The following RBFOX1 variants were observed in gnomAD, a reference collection of about 807,000 sequenced individuals.
RBFOX1 encodes the protein RNA binding protein fox-1 homolog 1.
Under a neutral mutation model 57.7 loss-of-function variants are expected in RBFOX1, and 8 were observed. The observed-to-expected ratio is 0.14, with a 90% CI of 0.08 to 0.25. The LOEUF (loss-of-function observed/expected upper bound fraction) is 0.25, where lower values mean the gene tolerates loss of function less well. RBFOX1 is among the 10% of genes least tolerant of loss of function. The pLI is 1.00. For synonymous variants in RBFOX1, 326 were observed against 222.4 expected (o/e 1.47, Z -4.15); for missense variants, 611 against 548.5 (o/e 1.11, Z -1.14).
chr16:7,338,799 T>C (rs770139794), intron 4 of RBFOX1, among the ~76,000 whole-genome samples: 52 of 152,208 alleles, frequency 3.4e-4, no homozygotes, highest in Non-Finnish European at 5.9e-4. Context: ...ACAAGTAATT[T>C]GGGTAAGTTT....
chr16:6,420,594 G>A (rs2093744873), intron 2 of RBFOX1, among the ~76,000 whole-genome samples: 1 of 152,122 alleles, frequency 6.6e-6, no homozygotes, highest in African/African-American at 2.4e-5. Flanking sequence ...TGAAGGATGG[G>A]CCCTATTACA....
intron 2 of RBFOX1, among the ~76,000 whole-genome samples, chr16:6,572,318 T>C (rs911459641): frequency 1.3e-5 from 2 of 152,202 alleles, no homozygotes; most frequent in African/African-American, 4.8e-5. Context: ...GATCTAGTTA[T>C]GAATTTTGCA....
chr16:7,562,989 C>T (rs957735151), intron 5 of RBFOX1, among the ~76,000 whole-genome samples: 2 of 152,132 alleles, frequency 1.3e-5, no homozygotes, highest in African/African-American at 2.4e-5. Flanking sequence ...GGACTTGACC[C>T]AGGGGATTGC....
At chr16:6,503,179 AT>A (rs1039787916) in intron 2 of RBFOX1, among the ~76,000 whole-genome samples, 1 of 148,460 alleles carries the variant, frequency 6.7e-6, no homozygotes, top group East Asian at 2.0e-4. Flanking sequence ...ATTATATGTG[AT>A]TTTTTTATTA....
At chr16:5,907,402 C>T (rs907241086) in intron 4 of RBFOX1, among the ~76,000 whole-genome samples, 2 of 152,014 alleles carry the variant, frequency 1.3e-5, no homozygotes, top group African/African-American at 2.4e-5. Context: ...CTCCCAGAGT[C>T]ATGCTGCTTT....
intron 4 of RBFOX1, among the ~76,000 whole-genome samples, chr16:7,096,588 C>G (rs2061732421): frequency 6.6e-6 from 1 of 152,046 alleles, no homozygotes; most frequent in African/African-American, 2.4e-5. Context: ...ACATCCAACC[C>G]TGTGTAAAAT....
intron 3 of RBFOX1, among the ~76,000 whole-genome samples, chr16:6,962,544 CT>C (rs58956102): frequency 0.026 from 4,018 of 152,194 alleles, 177 homozygotes; most frequent in African/African-American, 0.092. Context: ...TCAAAAGCAC[CT>C]TAAAGTTCAT....
chr16:5,685,929 A>C (rs905855423), intron 3 of RBFOX1, among the ~76,000 whole-genome samples: 3 of 152,230 alleles, frequency 2.0e-5, no homozygotes, highest in Admixed American at 1.3e-4. Context: ...GACATTTGTA[A>C]ATAACCTAGA....
chr16:7,165,922 C>A lies in RBFOX1; in HGVS notation c.27+113824C>A, dbSNP rs560180171. On this transcript the variant is annotated intron_variant, in intron 4 of 15. Coordinates refer to ENST00000550418, the MANE Select transcript of RBFOX1 (RefSeq NM_018723.4). Reference sequence around the variant, plus strand: ...TCTGTCTCTTGCCCCCTGCACCCCACCGCATGCACATACACACACACACAC... The same window carrying A: ...TCTGTCTCTTGCCCCCTGCACCCCAACGCATGCACATACACACACACACAC... 9.1e-5 allele frequency among the ~76,000 whole-genome samples: 11 copies of A among 121,498 alleles called. No homozygotes were observed. In the South Asian group the frequency reaches 3.2e-3, roughly 35 times the overall value. 79.7% of individuals were successfully genotyped at this position (121,498 alleles called of 152,430 possible).
intron 4 of RBFOX1, among the ~76,000 whole-genome samples, chr16:7,099,655 G>C (rs997827587): frequency 2.0e-5 from 3 of 152,078 alleles, no homozygotes; most frequent in African/African-American, 7.2e-5. Flanking sequence ...TATACATTTA[G>C]GGAGACATGA....
At chr16:6,890,316 C>G (rs1038627355) in intron 3 of RBFOX1, among the ~76,000 whole-genome samples, 1 of 152,076 alleles carries the variant, frequency 6.6e-6, no homozygotes, top group Non-Finnish European at 1.5e-5. Flanking sequence ...GTCAGGAGTT[C>G]AAGACCAGCC....
rs537071237 is a variant in RBFOX1 at position 6,800,955 on chromosome 16, G to C, written c.-16+146305G>C. Among the ~76,000 whole-genome samples, 10 of 152,188 alleles carry C rather than the reference G, an allele frequency of 6.6e-5. 1 individual carries two copies. In the South Asian group the frequency reaches 1.9e-3, roughly 28 times the overall value. The stretch of plus-strand genomic sequence containing the variant: ...TTGCCCCTGTTTGAGTATCTCTCAA[G>C]GGTATCTGACAACAGTGTGGGAAAT... On this transcript the variant is annotated intron_variant, in intron 3 of 15. Coordinates refer to ENST00000550418, the MANE Select transcript of RBFOX1 (RefSeq NM_018723.4).
intron 2 of RBFOX1, among the ~76,000 whole-genome samples, chr16:6,647,105 C>T (rs2098540380): frequency 6.6e-6 from 1 of 152,030 alleles, no homozygotes; most frequent in South Asian, 2.1e-4. Context: ...TGATGAGCAC[C>T]CTCTTCCTGG....
At chr16:6,891,281 A>G (rs1419361257) in intron 3 of RBFOX1, among the ~76,000 whole-genome samples, 1 of 152,220 alleles carries the variant, frequency 6.6e-6, no homozygotes, top group African/African-American at 2.4e-5. Context: ...GCTTGAAGCA[A>G]CTTAGCAAGG....
At chr16:5,864,968 A>G (rs2057313368) in intron 3 of RBFOX1, among the ~76,000 whole-genome samples, 3 of 152,174 alleles carry the variant, frequency 2.0e-5, no homozygotes, top group African/African-American at 7.2e-5. Flanking sequence ...ATGGACAGCT[A>G]TGTGTATGCC....
intron 4 of RBFOX1, among the ~76,000 whole-genome samples, chr16:7,200,681 C>T (rs1342465123): frequency 6.6e-6 from 1 of 152,042 alleles, no homozygotes; most frequent in Non-Finnish European, 1.5e-5. Flanking sequence ...TCAGTATGCC[C>T]CAAATTAAAG....
chr16:6,815,162 G>T (rs961652826), intron 3 of RBFOX1, among the ~76,000 whole-genome samples: 2 of 152,164 alleles, frequency 1.3e-5, no homozygotes, highest in African/African-American at 4.8e-5. Context: ...CTGTCATGGC[G>T]CTGGTGAGAG....
intron 3 of RBFOX1, among the ~76,000 whole-genome samples, chr16:6,907,923 G>A (rs560312509): frequency 3.3e-5 from 5 of 151,654 alleles, no homozygotes; most frequent in African/African-American, 7.2e-5. Flanking sequence ...TTGTAGATAT[G>A]TCACCTGAAT....
At chr16:6,808,096 A>G (rs900525012) in intron 3 of RBFOX1, among the ~76,000 whole-genome samples, 2 of 150,500 alleles carry the variant, frequency 1.3e-5, no homozygotes, top group South Asian at 2.1e-4. Context: ...CAATAGAACT[A>G]GATATATATA....
Sources: allele counts gnomAD v4.1 joint callset (sites outside exome capture counted in the v4.1 genomes callset), GRCh38; gene constraint gnomAD v4.1.1; transcripts MANE v1.5; gene names NCBI Gene and HGNC (gene_info 2026-07-23, HGNC 2026-07-21).